ST3GAL5: variants seen among roughly 807,000 people sequenced by gnomAD.
ST3GAL5 encodes ST3 beta-galactoside alpha-2,3-sialyltransferase 5.
Under a neutral mutation model 46.1 loss-of-function variants are expected in ST3GAL5, and 25 were observed. The ratio of observed to expected loss-of-function variants is 0.54; its 90% CI spans 0.40 to 0.76. ST3GAL5 has a LOEUF of 0.76. Ranked by LOEUF, ST3GAL5 falls within the 30% of genes least tolerant of loss-of-function variation. ST3GAL5 has a pLI of 0.00. For missense variants in ST3GAL5, 431 were observed against 521.2 expected (o/e 0.83, Z 1.69); for synonymous variants, 182 against 192.7 (o/e 0.94, Z 0.46).
chr2:85,841,338 T>C, intron 6 of ST3GAL5, among the ~76,000 whole-genome samples: 1 of 152,048 alleles, frequency 6.6e-6, no homozygotes. Context: ...AAATTTTGTT[T>C]TTTTTTTTGA....
At chr2:85,880,668 A>G (rs1354529836) in intron 1 of ST3GAL5, among the ~76,000 whole-genome samples, 2 of 152,080 alleles carry the variant, frequency 1.3e-5, no homozygotes, top group African/African-American at 4.8e-5. Flanking sequence ...TACTAAAAAT[A>G]CAAAAATTAG....
At chr2:85,878,558 C>CAA (rs68025950) in intron 1 of ST3GAL5, among the ~76,000 whole-genome samples, 84,047 of 151,906 alleles carry the variant, frequency 0.55, 23,714 homozygotes, top group East Asian at 0.68. Flanking sequence ...AGTATTGGGA[C>CAA]AAAAGTCTCT....
At chr2:85,873,688 C>T (rs1457243033) in intron 1 of ST3GAL5, among the ~76,000 whole-genome samples, 2 of 152,160 alleles carry the variant, frequency 1.3e-5, no homozygotes, top group East Asian at 1.9e-4. Flanking sequence ...GAGTCCCAAA[C>T]GCCTGTGGGC....
At chr2:85,847,698 G>A in intron 4 of ST3GAL5, 163 bp downstream of exon 4, 1 of 1,305,868 alleles carries the variant, frequency 7.7e-7, no homozygotes, top group African/African-American at 1.5e-5. Flanking sequence ...GGGAGGCTGT[G>A]GTGGGAGGAT....
intron 1 of ST3GAL5, among the ~76,000 whole-genome samples, chr2:85,871,847 G>A (rs1243974536): frequency 1.3e-5 from 2 of 152,186 alleles, no homozygotes; most frequent in Non-Finnish European, 2.9e-5. Context: ...GGGCACAGAC[G>A]GTTATAAACA....
At position 85,847,869 on chromosome 2, in the gene ST3GAL5, A is replaced by G. The variant is rs1185096445; in HGVS notation, c.654T>C (p.Val218=). The change falls in exon 4 of 7, where the codon GTT becomes GTC. Residue 218 remains valine (V), a synonymous_variant. Coordinates refer to ENST00000638572, the MANE Select transcript of ST3GAL5 (RefSeq NM_003896.4). Reference sequence around the variant, plus strand: ...AAAAAAAACCAATGTACCTTATCACAACATCGAACTGGTTCAGGGTGTGGC... The same window carrying G: ...AAAAAAAACCAATGTACCTTATCACGACATCGAACTGGTTCAGGGTGTGGC... The part of the protein sequence containing the change: ...ELGHTLNQFD[V]VIRLNSAPVE... 6.2e-7 allele frequency: 1 copy of G among 1,613,960 alleles called. No homozygotes were observed. The highest frequency in any genetic ancestry group is 8.5e-7 in the Non-Finnish European group (1 of 1,180,018).
Position 85,888,901 on chromosome 2 carries a change from C to A in ST3GAL5, c.5G>T (p.Arg2Leu), listed in dbSNP as rs1469697796. 7.3e-7 allele frequency: 1 copy of A among 1,371,596 alleles called. No individual in the cohort carries two copies. Among genetic ancestry groups the A allele is most frequent in the Admixed American group, 2.7e-5 (1 of 37,648 alleles). The allele number at this position is 1,371,596 out of a possible 1,614,324, so 85.0% of individuals were successfully genotyped here. Residue 2 changes from arginine to leucine, a missense_variant, in exon 1 of 7, where the codon CGG becomes CTG. Transcript: ENST00000638572. M[R>L]TKAAGCAERR... ...CTCCGCGCAGCCCGCCGCCTTCGTC[C>A]GCATACTAATGAGGGGGCGCCGGCC... is the stretch of plus-strand genomic sequence containing the variant.
intron 5 of ST3GAL5, chr2:85,845,186 T>C (rs1436696916): frequency 3.1e-5 from 5 of 158,934 alleles, no homozygotes; most frequent in African/African-American, 9.6e-5. Context: ...TTGAATATAA[T>C]GGGTGAGACT....
rs1682646384 is a variant in ST3GAL5 at position 85,845,269 on chromosome 2, C to T, written c.850-715G>A. On this transcript the variant is annotated intron_variant, in intron 5 of 6. Coordinates refer to ENST00000638572, the MANE Select transcript of ST3GAL5 (RefSeq NM_003896.4). ...GGCCATCTCCTCCATAGCTGCCCTTCTGGAATGCCATGAATTTATTCCAAC... is the reference window on the plus strand; with the variant it reads ...GGCCATCTCCTCCATAGCTGCCCTTTTGGAATGCCATGAATTTATTCCAAC... 2.0e-5 allele frequency: 3 copies of T among 153,378 alleles called. No individual in the cohort carries two copies. The South Asian group carries it at 6.1e-4, about 31-fold the overall frequency. 9.5% of individuals were successfully genotyped at this position (153,378 alleles called of 1,614,324 possible).
At chr2:85,862,232 T>A (rs1684807786) in intron 2 of ST3GAL5, among the ~76,000 whole-genome samples, 1 of 151,974 alleles carries the variant, frequency 6.6e-6, no homozygotes, top group African/African-American at 2.4e-5. Context: ...GTGAACAGGA[T>A]GCTATCAATT....
chr2:85,851,589 CTTT>C (rs756811131), intron 3 of ST3GAL5: 1 of 1,289,440 alleles, frequency 7.8e-7, no homozygotes, highest in South Asian at 1.2e-5. Flanking sequence ...TGTCCCACAT[CTTT>C]AAGTAAGTTG....
intron 1 of ST3GAL5, among the ~76,000 whole-genome samples, chr2:85,882,791 C>T (rs747679414): frequency 7.4e-4 from 109 of 148,242 alleles, no homozygotes; most frequent in Non-Finnish European, 1.1e-3. Flanking sequence ...TGAGATCGCA[C>T]GCCATTGCAC....
intron 1 of ST3GAL5, among the ~76,000 whole-genome samples, chr2:85,871,584 T>C (rs1685926186): frequency 6.6e-6 from 1 of 152,164 alleles, no homozygotes; most frequent in East Asian, 1.9e-4. Flanking sequence ...CTGATATTTA[T>C]TGAGAGGGAT....
chr2:85,841,490 T>C (rs1682092394), intron 6 of ST3GAL5, among the ~76,000 whole-genome samples: 1 of 152,182 alleles, frequency 6.6e-6, no homozygotes, highest in Middle Eastern at 3.4e-3. Flanking sequence ...TGTGCCACCA[T>C]GCCCAGCTAC....
At chr2:85,877,797 C>T (rs1007659583) in intron 1 of ST3GAL5, among the ~76,000 whole-genome samples, 1 of 152,112 alleles carries the variant, frequency 6.6e-6, no homozygotes. Context: ...CTGGATAAAA[C>T]AGTAGGTGAT....
chr2:85,888,809 G>T lies in ST3GAL5; in HGVS notation c.82+15C>A, dbSNP rs896780062. On this transcript the variant is annotated intron_variant, in intron 1 of 6. Transcript: ENST00000638572. ...CGGGCCCCCGCGACGCCGAGGAGGG[G>T]GCTGCGCCACGTACCTCGGCCGGCA... 2 of 1,232,098 alleles carry T rather than the reference G, an allele frequency of 1.6e-6. No individual in the cohort carries two copies. The highest frequency in any genetic ancestry group is 2.0e-6 in the Non-Finnish European group (2 of 989,278). 76.3% of individuals were successfully genotyped at this position (1,232,098 alleles called of 1,614,324 possible). A position where few individuals can be genotyped will look rare whatever the true frequency, so the allele number is the denominator to read the frequency against.
chr2:85,858,688 C>A (rs4832210), intron 3 of ST3GAL5, among the ~76,000 whole-genome samples: 1 of 151,936 alleles, frequency 6.6e-6, no homozygotes, highest in South Asian at 2.1e-4. Flanking sequence ...TGCCTGGGAC[C>A]GTCAAACCTT....
Position 85,848,108 on chromosome 2 carries a change from C to A in ST3GAL5, c.415G>T (p.Val139Leu), listed in dbSNP as rs377046345. Residue 139 changes from valine to leucine, a missense_variant, in exon 4 of 7, where the codon GTG becomes TTG. Transcript: ENST00000638572. Reference protein sequence around the residue: ...MALLFEHRYSVDLLPFVQKAP... With the variant: ...MALLFEHRYSLDLLPFVQKAP... ...TTCTGCACAAAAGGGAGTAAGTCCA[C>A]GCTATACCTGTGCTCAAATAACAGC... The A allele has an allele frequency of 3.5e-5, 57 of 1,614,088 alleles. No individual in the cohort carries two copies. Among genetic ancestry groups the A allele is most frequent in the Non-Finnish European group, 4.3e-5 (51 of 1,180,048 alleles).
chr2:85,886,874 GT>G (rs746250063), intron 1 of ST3GAL5, among the ~76,000 whole-genome samples: 1 of 152,182 alleles, frequency 6.6e-6, no homozygotes, highest in Non-Finnish European at 1.5e-5. Context: ...ATTCCCAGTT[GT>G]TTTACTTCTG....
Sources: gnomAD v4.1 joint callset for allele counts (sites outside exome capture counted in the v4.1 genomes callset) on GRCh38, gnomAD v4.1.1 for gene constraint, MANE v1.5 for transcripts, NCBI Gene and HGNC (gene_info 2026-07-23, HGNC 2026-07-21) for gene names.